Variants in MAP3K20 observed in about 807,000 individuals in gnomAD.
MAP3K20 encodes the protein mitogen-activated protein kinase kinase kinase 20, also known as HCCS-4.
Under a neutral mutation model 85.7 loss-of-function variants are expected in MAP3K20, and 40 were observed. The ratio of observed to expected loss-of-function variants is 0.47; its 90% CI spans 0.36 to 0.61. The LOEUF (loss-of-function observed/expected upper bound fraction) is 0.61, where lower values mean the gene tolerates loss of function less well. Ranked by LOEUF, MAP3K20 falls within the 20% of genes least tolerant of loss-of-function variation. The probability of loss-of-function intolerance (pLI) is 0.00; values close to 1 mark genes in which losing one functional copy is unlikely to be tolerated. For missense variants in MAP3K20, 817 were observed against 961.7 expected, an observed-to-expected ratio of 0.85 and a Z score of 1.99; for synonymous variants, 325 against 327.7, an observed-to-expected ratio of 0.99 and a Z score of 0.09.
At chr2:173,109,404 C>T (rs545142352) in intron 2 of MAP3K20, among the ~76,000 whole-genome samples, 35 of 152,122 alleles carry the variant, frequency 2.3e-4, no homozygotes, top group African/African-American at 7.9e-4. Flanking sequence ...AGGTGAAAAC[C>T]AGTACTTGTC....
intron 14 of MAP3K20, among the ~76,000 whole-genome samples, chr2:173,237,849 T>C (rs1384415837): frequency 6.6e-6 from 1 of 152,190 alleles, no homozygotes; most frequent in Admixed American, 6.5e-5. Flanking sequence ...ATTGTTTTAT[T>C]TATTGCTTAG....
chr2:173,233,486 ATTG>A (rs1459895619), intron 14 of MAP3K20, among the ~76,000 whole-genome samples: 1 of 152,160 alleles, frequency 6.6e-6, no homozygotes, highest in Non-Finnish European at 1.5e-5. Context: ...CTGAGTAAGA[ATTG>A]CTGGCATCTG....
intron 2 of MAP3K20, among the ~76,000 whole-genome samples, chr2:173,147,650 G>A (rs1045563119): frequency 6.6e-6 from 1 of 151,930 alleles, no homozygotes; most frequent in Admixed American, 6.6e-5. Context: ...GCAGTGGCAC[G>A]ATCTCGGCTC....
intron 2 of MAP3K20, among the ~76,000 whole-genome samples, chr2:173,167,142 C>G (rs1175955546): frequency 1.3e-5 from 2 of 151,950 alleles, no homozygotes; most frequent in Non-Finnish European, 2.9e-5. Flanking sequence ...GTCTCGACCT[C>G]CTGACCTCGT....
intron 2 of MAP3K20, among the ~76,000 whole-genome samples, chr2:173,144,462 C>CAAAAAAAAAAAAAA (rs71018537): frequency 4.3e-5 from 4 of 92,874 alleles, no homozygotes; most frequent in Non-Finnish European, 4.2e-5. Context: ...GACTCCGTCT[C>CAAAAAAAAAAAAAA]AAAAAAAAAA....
chr2:173,107,055 A>G (rs1687802134), intron 2 of MAP3K20, among the ~76,000 whole-genome samples: 1 of 152,228 alleles, frequency 6.6e-6, no homozygotes, highest in Non-Finnish European at 1.5e-5. Context: ...GTAATCGGAC[A>G]AAGTGACAGT....
At chr2:173,122,041 TCA>T (rs1378665536) in intron 2 of MAP3K20, among the ~76,000 whole-genome samples, 1 of 152,266 alleles carries the variant, frequency 6.6e-6, no homozygotes, top group Non-Finnish European at 1.5e-5. Context: ...GAGAGGTCTG[TCA>T]CATCCTCTTC....
chr2:173,215,529 A>C (rs1684047580), intron 10 of MAP3K20: 1 of 152,250 alleles, frequency 6.6e-6, no homozygotes, highest in Non-Finnish European at 1.5e-5. Flanking sequence ...CTTTAGGGAC[A>C]GTAATGGGAC....
chr2:173,247,371 GGATA>G lies in MAP3K20; in HGVS notation c.1359+7880_1359+7883del, dbSNP rs142920289. Among the ~76,000 whole-genome samples the G allele has an allele frequency of 2.8e-3, 419 of 151,826 alleles. 1 individual carries two copies. The highest frequency in any genetic ancestry group is 9.3e-3 in the African/African-American group (383 of 41,384). ...TCCCTATTGTGCAATCTTTATAAATGGATAGATAAACATGAATAAAATAACAGGG... is the reference window on the plus strand; with the variant it reads ...TCCCTATTGTGCAATCTTTATAAATGGATAAACATGAATAAAATAACAGGG... On this transcript the variant is annotated intron_variant, in intron 16 of 19. Transcript: ENST00000375213.
Position 173,225,869 on chromosome 2 carries a change from C to T in MAP3K20, c.988-3820C>T. 3.0e-6 allele frequency: 3 copies of T among 984,138 alleles called. No individual in the cohort carries two copies. The South Asian group carries it at 1.4e-4, about 46-fold the overall frequency. The allele number at this position is 984,138 out of a possible 1,614,324, so 61.0% of individuals were successfully genotyped here. ...CAACTTGATGAAACAGCCAAATGCA[C>T]CAGGGCAGGTCACTTTCCCATTACA... On this transcript the variant is annotated intron_variant, in intron 11 of 19. Transcript: ENST00000375213.
chr2:173,259,057 A>T (rs1171738586), intron 17 of MAP3K20, among the ~76,000 whole-genome samples: 1 of 152,082 alleles, frequency 6.6e-6, no homozygotes, highest in Non-Finnish European at 1.5e-5. Context: ...ATTTTTTTTT[A>T]ATTTTTTTGT....
intron 2 of MAP3K20, among the ~76,000 whole-genome samples, chr2:173,132,422 G>T (rs552632594): frequency 1.3e-5 from 2 of 152,260 alleles, no homozygotes; most frequent in African/African-American, 2.4e-5. Flanking sequence ...AGAGAGGGAA[G>T]AATCCTCTCC....
intron 11 of MAP3K20, 149 bp downstream of exon 11, chr2:173,217,399 C>A: frequency 2.2e-6 from 2 of 905,270 alleles, no homozygotes; most frequent in Non-Finnish European, 3.0e-6. Context: ...CGCGTGTGGA[C>A]TCAAGCAGCG....
At chr2:173,101,403 TA>T (rs1321920111) in intron 2 of MAP3K20, among the ~76,000 whole-genome samples, 1 of 152,238 alleles carries the variant, frequency 6.6e-6, no homozygotes, top group Non-Finnish European at 1.5e-5. Flanking sequence ...TTGCAACTGT[TA>T]TTTCACCTTT....
rs565194335 is a variant in MAP3K20, at chr2:173,239,010, G to A, written c.1267-394G>A. Among the ~76,000 whole-genome samples, 4 of 152,154 alleles carry A rather than the reference G, an allele frequency of 2.6e-5. No individual in the cohort carries two copies. The East Asian group carries it at 7.7e-4, about 29-fold the overall frequency. On this transcript the variant is annotated intron_variant, in intron 15 of 19. Coordinates refer to ENST00000375213, the MANE Select transcript of MAP3K20 (RefSeq NM_016653.3). The stretch of plus-strand genomic sequence containing the variant: ...TCTGCTTCATCCTCCATCCACATTT[G>A]CATCCTCCATCCACTGCGTAATCCG...
At chr2:173,209,673 T>TTAAA (rs1683814114) in intron 9 of MAP3K20, 56 bp from the exon 10 acceptor site, 1 of 1,470,884 alleles carries the variant, frequency 6.8e-7, no homozygotes, top group Admixed American at 2.0e-5. Flanking sequence ...ACGTTTTCTC[T>TTAAA]TAAATATCTC....
intron 1 of MAP3K20, among the ~76,000 whole-genome samples, chr2:173,087,693 C>T (rs1687180390): frequency 6.6e-6 from 1 of 152,130 alleles, no homozygotes; most frequent in Non-Finnish European, 1.5e-5. Flanking sequence ...ACATTAGAAA[C>T]TAGGAGAAAA....
At chr2:173,124,407 T>C (rs529072551) in intron 2 of MAP3K20, among the ~76,000 whole-genome samples, 219 of 152,222 alleles carry the variant, frequency 1.4e-3, no homozygotes, top group African/African-American at 5.1e-3. Flanking sequence ...GAAGAGGGCC[T>C]GCTCCCCGGG....
Position 173,134,000 on chromosome 2 carries a change from A to C in MAP3K20, c.160-35805A>C, listed in dbSNP as rs1391607010. ...AGCGATATTCCATCTCAAAAAACAA[A>C]AAACAAAAAACAAAAACATTCATGC... On this transcript the variant is annotated intron_variant, in intron 2 of 19. Transcript: ENST00000375213. Among the ~76,000 whole-genome samples the C allele has an allele frequency of 4.6e-5, 7 of 151,262 alleles. No individual in the cohort carries two copies. The East Asian group carries it at 1.2e-3, about 25-fold the overall frequency.
Sources: allele counts gnomAD v4.1 joint callset (sites outside exome capture counted in the v4.1 genomes callset), GRCh38; gene constraint gnomAD v4.1.1; transcripts MANE v1.5; gene names NCBI Gene and HGNC (gene_info 2026-07-23, HGNC 2026-07-21).